PDXK: variants seen among roughly 807,000 people sequenced by gnomAD.
The protein encoded by PDXK is epididymis secretory sperm binding protein Li 1a.
In PDXK, 15 loss-of-function variants were observed where a neutral mutation model predicts 43.2. The observed-to-expected ratio is 0.35, with a 90% CI of 0.23 to 0.53. The LOEUF (loss-of-function observed/expected upper bound fraction) is 0.53. Among genes scored for constraint, PDXK ranks in the 20% least tolerant of loss-of-function variants. The pLI, the probability that PDXK is intolerant of heterozygous loss-of-function variation, is 0.92. For synonymous variants in PDXK, 172 were observed against 165.4 expected, an observed-to-expected ratio of 1.04 and a Z score of -0.31; for missense variants, 343 against 417.0, an observed-to-expected ratio of 0.82 and a Z score of 1.54.
Position 43,760,258 on chromosome 21 carries a change from A to G in PDXK, c.*4195A>G, listed in dbSNP as rs1184337852. 1 of 149,560 alleles carries G rather than the reference A, an allele frequency of 6.7e-6. No homozygotes were observed. The highest frequency in any genetic ancestry group is 6.7e-5 in the Admixed American group (1 of 15,030). 9.3% of individuals were successfully genotyped at this position (149,560 alleles called of 1,614,324 possible). ...GTGGTGTGATCTCGGCTCACTGCAA[A>G]CTCCGCTTCCTGGGTTCAAGTGGTT... On this transcript the variant is annotated 3_prime_UTR_variant, in exon 11 of 11. Coordinates refer to ENST00000291565, the MANE Select transcript of PDXK (RefSeq NM_003681.5).
intron 2 of PDXK, among the ~76,000 whole-genome samples, chr21:43,736,326 C>A (rs1488558506): frequency 6.6e-6 from 1 of 152,190 alleles, no homozygotes; most frequent in African/African-American, 2.4e-5. Context: ...CGGGCTGTCT[C>A]AGGGGCCACG....
Position 43,732,484 on chromosome 21 carries a change from C to G in PDXK, c.88-1585C>G, listed in dbSNP as rs370464739. 6.4e-6 allele frequency: 10 copies of G among 1,570,506 alleles called. No homozygotes were observed. The Admixed American group carries it at 1.0e-4, about 16-fold the overall frequency. On this transcript the variant is annotated intron_variant, in intron 1 of 10. Transcript: ENST00000291565. This position sits in a 1 kb window ranked among gnomAD's most constrained non-coding sequence, Gnocchi z 4.1. ...TGCCAGCCCAGGGGCTCAGCTTGCTCGTGCTCTCATTTAAAAGCAGAAAAT... is the reference window on the plus strand; with the variant it reads ...TGCCAGCCCAGGGGCTCAGCTTGCTGGTGCTCTCATTTAAAAGCAGAAAAT...
At position 43,734,207 on chromosome 21, in the gene PDXK, G is replaced by A. The variant is rs1038412293; in HGVS notation, c.142+84G>A. On this transcript the variant is annotated intron_variant, in intron 2 of 10. Coordinates refer to ENST00000291565, the MANE Select transcript of PDXK (RefSeq NM_003681.5). This position sits in a 1 kb window ranked among gnomAD's most constrained non-coding sequence, Gnocchi z 5.0. ...GGAGTGTGGGTGTGAGGGACGGGGC[G>A]GAGTGTGGGTGTGAGGGACGGGGCT... is the stretch of plus-strand genomic sequence containing the variant. 11 of 1,272,976 alleles carry A rather than the reference G, an allele frequency of 8.6e-6. No individual in the cohort carries two copies. The highest frequency in any genetic ancestry group is 6.9e-5 in the East Asian group (3 of 43,306). The allele number at this position is 1,272,976 out of a possible 1,614,324, so 78.9% of individuals were successfully genotyped here. A position where few individuals can be genotyped will look rare whatever the true frequency, so the allele number is the denominator to read the frequency against.
Position 43,749,038 on chromosome 21 carries a change from T to A in PDXK, c.422T>A (p.Val141Glu). ...DLLPVYKEKV[V>E]PLADIITPNQ... ...CTTCCCGTCTACAAAGAAAAAGTGG[T>A]GCCGCTTGCAGACATTATCACGCCC... Residue 141 changes from valine to glutamate, a missense_variant, in exon 6 of 11, where the codon GTG becomes GAG. Transcript: ENST00000291565. The A allele has an allele frequency of 6.2e-7, 1 of 1,613,022 alleles. No homozygotes were observed. The highest frequency in any genetic ancestry group is 8.5e-7 in the Non-Finnish European group (1 of 1,179,088).
At chr21:43,749,976 G>A (rs1045579389) in intron 6 of PDXK, among the ~76,000 whole-genome samples, 1 of 151,986 alleles carries the variant, frequency 6.6e-6, no homozygotes, top group African/African-American at 2.4e-5. Flanking sequence ...GGGGGCTGGT[G>A]CCTGTCACAG....
intron 7 of PDXK, 62 bp from the exon 8 acceptor site, chr21:43,752,456 G>C: frequency 8.9e-7 from 1 of 1,121,414 alleles, no homozygotes; most frequent in Non-Finnish European, 1.3e-6. Context: ...GGGGAGTGGG[G>C]TGTGACCAGC....
At chr21:43,733,260 CCCCCG>C (rs1568976486) in intron 1 of PDXK, among the ~76,000 whole-genome samples, 6 of 113,732 alleles carry the variant, frequency 5.3e-5, no homozygotes, top group African/African-American at 2.0e-4. Flanking sequence ...CCCACCCCCC[CCCCCG>C]CCCCCCCCGC....
rs552713802 is a variant in PDXK, at chr21:43,723,340, T to C, written c.87+3959T>C. On this transcript the variant is annotated intron_variant, in intron 1 of 10. Coordinates refer to ENST00000291565, the MANE Select transcript of PDXK (RefSeq NM_003681.5). This position sits in a 1 kb window ranked among gnomAD's most constrained non-coding sequence, Gnocchi z 4.1. The stretch of plus-strand genomic sequence containing the variant: ...TGACTAATTTTTCTGTATTTCTGTT[T>C]AGTAGAGATGGGGTTTCACTATGTT... Among the ~76,000 whole-genome samples the C allele has an allele frequency of 5.3e-4, 81 of 152,074 alleles. No homozygotes were observed. Among genetic ancestry groups the C allele is most frequent in the African/African-American group, 1.7e-3 (70 of 41,464 alleles).
At chr21:43,741,901 G>A (rs187342937) in intron 3 of PDXK, 130 bp downstream of exon 3, 10 of 676,982 alleles carry the variant, frequency 1.5e-5, no homozygotes, top group African/African-American at 9.0e-5. Context: ...GGGCCTTGGC[G>A]TGCCCAAGCC....
intron 7 of PDXK, among the ~76,000 whole-genome samples, chr21:43,750,929 CGT>C (rs2083735560): frequency 8.7e-5 from 11 of 127,074 alleles, no homozygotes; most frequent in African/African-American, 3.3e-4. Context: ...CATGTGTGTG[CGT>C]ATGTGTGCAC....
Position 43,759,200 on chromosome 21 carries a change from T to C in PDXK, c.*3137T>C, listed in dbSNP as rs532157736. ...TTGAGCTCAGGCCTCTCGTGCCTGG[T>C]GTCAGAGAAGGCAGAGCCCACAGTA... On this transcript the variant is annotated 3_prime_UTR_variant, in exon 11 of 11. Coordinates refer to ENST00000291565, the MANE Select transcript of PDXK (RefSeq NM_003681.5). The C allele has an allele frequency of 2.0e-5, 3 of 152,946 alleles. No individual in the cohort carries two copies. The highest frequency in any genetic ancestry group is 4.1e-4 in the South Asian group (2 of 4,832). The allele number at this position is 152,946 out of a possible 1,614,324, so 9.5% of individuals were successfully genotyped here. A position where few individuals can be genotyped will look rare whatever the true frequency, so the allele number is the denominator to read the frequency against.
Position 43,732,123 on chromosome 21 carries a change from C to T in PDXK, c.88-1946C>T. On this transcript the variant is annotated intron_variant, in intron 1 of 10. Transcript: ENST00000291565. This position sits in a 1 kb window ranked among gnomAD's most constrained non-coding sequence, Gnocchi z 4.1. ...GGAAGAAGAGCACTGCTGACAGAAG[C>T]CCATTCTCTTCGCAGGCTTCAGTTT... is the stretch of plus-strand genomic sequence containing the variant. 2.3e-6 allele frequency: 3 copies of T among 1,332,250 alleles called. No homozygotes were observed. In the South Asian group the frequency reaches 5.4e-5, roughly 24 times the overall value. The allele number at this position is 1,332,250 out of a possible 1,614,324, so 82.5% of individuals were successfully genotyped here. A position where few individuals can be genotyped will look rare whatever the true frequency, so the allele number is the denominator to read the frequency against.
In PDXK at chr21:43,730,940, G is replaced by T. The variant is rs201160698; in HGVS notation, c.88-3129G>T. On this transcript the variant is annotated intron_variant, in intron 1 of 10. Coordinates refer to ENST00000291565, the MANE Select transcript of PDXK (RefSeq NM_003681.5). Reference sequence around the variant, plus strand: ...ACTGCACTCCAGCCTGGGTGATAGAGTGAGACCCTGTCTCAAAAAATAATA... The same window carrying T: ...ACTGCACTCCAGCCTGGGTGATAGATTGAGACCCTGTCTCAAAAAATAATA... Among the ~76,000 whole-genome samples, 3 of 152,332 alleles carry T rather than the reference G, an allele frequency of 2.0e-5. No individual in the cohort carries two copies. In the East Asian group the frequency reaches 5.8e-4, roughly 29 times the overall value.
intron 1 of PDXK, chr21:43,724,025 G>A (rs1421935422): frequency 3.9e-5 from 6 of 152,208 alleles, no homozygotes; most frequent in Non-Finnish European, 8.8e-5. Flanking sequence ...CCACATCGCA[G>A]AGACCAGAAG....
intron 1 of PDXK, among the ~76,000 whole-genome samples, chr21:43,725,681 C>T (rs747562462): frequency 6.6e-6 from 1 of 152,004 alleles, no homozygotes; most frequent in Non-Finnish European, 1.5e-5. Flanking sequence ...CGTGGTGGCA[C>T]ACTACTGTAA....
At chr21:43,752,257 C>A (rs1383311625) in intron 7 of PDXK, among the ~76,000 whole-genome samples, 1 of 152,236 alleles carries the variant, frequency 6.6e-6, no homozygotes, top group Non-Finnish European at 1.5e-5. Context: ...GTCCACCCCC[C>A]AAGGGGGAGG....
intron 9 of PDXK, 36 bp downstream of exon 9, chr21:43,753,755 C>G (rs1192775448): frequency 6.3e-7 from 1 of 1,579,700 alleles, no homozygotes; most frequent in Non-Finnish European, 8.6e-7. Context: ...CTCGCCCACT[C>G]CCACGGCACC....
chr21:43,732,714 G>A lies in PDXK; in HGVS notation c.88-1355G>A. 1 of 724,412 alleles carries A rather than the reference G, an allele frequency of 1.4e-6. No individual in the cohort carries two copies. The allele number at this position is 724,412 out of a possible 1,614,324, so 44.9% of individuals were successfully genotyped here. A position where few individuals can be genotyped will look rare whatever the true frequency, so the allele number is the denominator to read the frequency against. ...GTATAGAGGCTGTGGATTCGGGCTG[G>A]TACATTTGCAAAGTGCCCATTTTAT... On this transcript the variant is annotated intron_variant, in intron 1 of 10. Coordinates refer to ENST00000291565, the MANE Select transcript of PDXK (RefSeq NM_003681.5). The surrounding 1 kb of genome is among the most constrained non-coding windows in gnomAD (Gnocchi z 4.1).
intron 1 of PDXK, chr21:43,728,921 C>G: frequency 2.0e-6 from 2 of 985,504 alleles, no homozygotes; most frequent in Non-Finnish European, 2.4e-6. Context: ...CTGGCCTGGA[C>G]TCTGCTGGGA....
Sources: allele counts gnomAD v4.1 joint callset (sites outside exome capture counted in the v4.1 genomes callset), GRCh38; gene constraint gnomAD v4.1.1; non-coding constraint Gnocchi (gnomAD v3.1); transcripts MANE v1.5; gene names NCBI Gene and HGNC (gene_info 2026-07-23, HGNC 2026-07-21).